Variants in FANCD2OS observed in about 807,000 individuals in gnomAD.
The protein encoded by FANCD2OS is FANCD2 opposite strand protein.
FANCD2OS carries 11 observed loss-of-function variants against 13.2 expected under a neutral mutation model. That is an observed-to-expected ratio of 0.83 (90% CI 0.52 to 1.38). The LOEUF is 1.38. FANCD2OS is among the 40% of genes most tolerant of loss of function. FANCD2OS has a pLI of 0.00. For synonymous variants in FANCD2OS, 69 were observed against 84.5 expected (o/e 0.82, Z 1.01); for missense variants, 217 against 213.9 (o/e 1.01, Z -0.09).
downstream of FANCD2OS, chr3:10,101,253 C>T (rs746015615): frequency 1.9e-6 from 3 of 1,610,536 alleles, no homozygotes; most frequent in Admixed American, 3.3e-5. Flanking sequence ...GTTATGATGA[C>T]TCTGATTAGA....
intron 2 of FANCD2OS, chr3:10,088,373 C>A (rs1329140272): frequency 1.1e-6 from 1 of 898,112 alleles, no homozygotes; most frequent in Non-Finnish European, 1.9e-6. Flanking sequence ...GATCAATAAT[C>A]ATCCTCAAAA....
chr3:10,085,050 A>G (rs776438516), intron 2 of FANCD2OS, among the ~76,000 whole-genome samples: 1 of 152,214 alleles, frequency 6.6e-6, no homozygotes, highest in Admixed American at 6.5e-5. Flanking sequence ...CAAAGATAGA[A>G]ATGTCAAGAC....
At chr3:10,098,393 T>G (rs1695104522), downstream of FANCD2OS, among the ~76,000 whole-genome samples, 1 of 152,164 alleles carries the variant, frequency 6.6e-6, no homozygotes, top group Non-Finnish European at 1.5e-5. Flanking sequence ...TTAGATACCT[T>G]AAGGTATTTG....
downstream of FANCD2OS, chr3:10,098,598 T>G: frequency 8.4e-7 from 1 of 1,194,378 alleles, no homozygotes; most frequent in Non-Finnish European, 1.2e-6. Context: ...GGTATCCATG[T>G]TTGCTGTGTT....
downstream of FANCD2OS, chr3:10,101,202 C>A: frequency 6.2e-7 from 1 of 1,612,758 alleles, no homozygotes; most frequent in Non-Finnish European, 8.5e-7. Flanking sequence ...GTGAAGAAGA[C>A]GAAGTAAGTG....
At chr3:10,106,007 T>C (rs1383778951) in intron 1 of FANCD2OS, among the ~76,000 whole-genome samples, 1 of 151,556 alleles carries the variant, frequency 6.6e-6, no homozygotes, top group Non-Finnish European at 1.5e-5. Context: ...GCTATTCCTT[T>C]CAAACAACTC....
At chr3:10,106,704 AG>A (rs1175058226) in intron 1 of FANCD2OS, among the ~76,000 whole-genome samples, 4 of 152,202 alleles carry the variant, frequency 2.6e-5, no homozygotes, top group Non-Finnish European at 4.4e-5. Context: ...ACTTGAGGTC[AG>A]GAGTTCAAGA....
In FANCD2OS at chr3:10,104,568, A is replaced by T. The variant is rs1259235520; in HGVS notation, c.207T>A (p.Ser69Arg). ...LDSPFLESGV[S>R]PKLPCHTSEL... ...CTGATGTGTGGCAGGGTAACTTGGG[A>T]CTCACTCCAGATTCCAGGAATGGGC... The change falls in exon 2 of 2, where the codon AGT (serine) becomes AGA (arginine). Residue 69 changes from serine to arginine, a missense_variant. Coordinates refer to ENST00000450660, the MANE Select transcript of FANCD2OS (RefSeq NM_001164839.2). 1 of 1,613,864 alleles carries T rather than the reference A, an allele frequency of 6.2e-7. No homozygotes were observed. Among genetic ancestry groups the T allele is most frequent in the Admixed American group, 1.7e-5 (1 of 59,976 alleles).
downstream of FANCD2OS, chr3:10,099,420 C>G (rs1048063622): frequency 3.7e-6 from 3 of 808,836 alleles, no homozygotes; most frequent in Non-Finnish European, 4.7e-6. Flanking sequence ...TCCGGGAGCT[C>G]AAGGCAAAGC....
At chr3:10,105,833 C>G (rs1443197651) in intron 1 of FANCD2OS, among the ~76,000 whole-genome samples, 1 of 118,426 alleles carries the variant, frequency 8.4e-6, no homozygotes, top group African/African-American at 3.0e-5. Flanking sequence ...TTGAGGTTCG[C>G]GATGTATGAA....
chr3:10,101,487 G>C, downstream of FANCD2OS: 1 of 494,528 alleles, frequency 2.0e-6, no homozygotes, highest in East Asian at 3.4e-5. Context: ...CTAGGTTCAA[G>C]CGATTCTCCT....
At chr3:10,101,226 G>T (rs778024004), downstream of FANCD2OS, 1 of 1,613,466 alleles carries the variant, frequency 6.2e-7, no homozygotes, top group South Asian at 1.1e-5. Flanking sequence ...GAGAAAAGGA[G>T]CAAGATAGTG....
chr3:10,082,428 T>G lies in FANCD2OS; in HGVS notation c.*44-897A>C, dbSNP rs560563367. Reference sequence around the variant, plus strand: ...GGCAGTAAGAGTGATCTTCCTAACATAAACCCAGTTTGATCCTATCCCAAT... The same window carrying G: ...GGCAGTAAGAGTGATCTTCCTAACAGAAACCCAGTTTGATCCTATCCCAAT... On this transcript the variant is annotated intron_variant, in intron 2 of 2. Transcript: ENST00000524279. Among the ~76,000 whole-genome samples, 7 of 152,318 alleles carry G rather than the reference T, an allele frequency of 4.6e-5. No individual in the cohort carries two copies. In the South Asian group the frequency reaches 1.4e-3, roughly 32 times the overall value.
intron 1 of FANCD2OS, 21 bp from the exon 2 acceptor site, chr3:10,104,803 C>CA: frequency 1.3e-6 from 2 of 1,527,096 alleles, no homozygotes; most frequent in Non-Finnish European, 1.8e-6. Context: ...GAAATCAGAG[C>CA]ATGGAATTTC....
At chr3:10,083,556 C>T (rs1693977078) in intron 2 of FANCD2OS, 1 of 152,156 alleles carries the variant, frequency 6.6e-6, no homozygotes, top group South Asian at 2.1e-4. Context: ...TGTGACTCAG[C>T]CATTCCATCC....
downstream of FANCD2OS, chr3:10,098,568 T>C (rs1428753685): frequency 6.9e-6 from 6 of 873,918 alleles, no homozygotes; most frequent in Non-Finnish European, 1.1e-5. Context: ...ATCCCTCCTC[T>C]AGATGCTGAA....
Position 10,095,131 on chromosome 3 carries a change from CAAGGGTATCTTG to C in FANCD2OS, c.*43+9055_*43+9066del, listed in dbSNP as rs370388163. 2.7e-4 allele frequency: 357 copies of C among 1,311,856 alleles called. 1 individual carries two copies. The African/African-American group carries it at 4.6e-3, about 17-fold the overall frequency. 81.3% of individuals were successfully genotyped at this position (1,311,856 alleles called of 1,614,324 possible). ...TTATCCTCTTTGGAGCTTTTGATTG[CAAGGGTATCTTG>C]AATCTAAAATGAAATCAGGACATTT... On this transcript the variant is annotated intron_variant, in intron 2 of 2. Transcript: ENST00000524279.
chr3:10,087,293 T>A (rs1273130834), intron 2 of FANCD2OS: 1 of 1,585,558 alleles, frequency 6.3e-7, no homozygotes, highest in Non-Finnish European at 8.5e-7. Flanking sequence ...TTTTTTTTTT[T>A]TTTTTTTAAT....
downstream of FANCD2OS, among the ~76,000 whole-genome samples, chr3:10,102,711 C>T (rs773939780): frequency 3.1e-4 from 47 of 151,582 alleles, no homozygotes; most frequent in East Asian, 7.9e-4. Flanking sequence ...GGCTTGGTGG[C>T]GGGCGCCTGT....
Sources: allele counts gnomAD v4.1 joint callset (sites outside exome capture counted in the v4.1 genomes callset), GRCh38; gene constraint gnomAD v4.1.1; transcripts MANE v1.5; gene names NCBI Gene and HGNC (gene_info 2026-07-23, HGNC 2026-07-21).